The following WDR62 variants were observed in gnomAD, a reference collection of about 807,000 sequenced individuals.
WDR62 encodes the protein WD repeat domain 62.
WDR62 carries 112 observed loss-of-function variants against 160.6 expected under a neutral mutation model. That is an observed-to-expected ratio of 0.70 (90% CI 0.60 to 0.82). The LOEUF is 0.82. Among genes scored for constraint, WDR62 ranks in the 40% least tolerant of loss-of-function variants. The probability of loss-of-function intolerance (pLI) is 0.00; values close to 1 mark genes in which losing one functional copy is unlikely to be tolerated. For synonymous variants in WDR62, 792 were observed against 815.1 expected, an observed-to-expected ratio of 0.97 and a Z score of 0.48; for missense variants, 1,819 against 1,983.8, an observed-to-expected ratio of 0.92 and a Z score of 1.58.
Position 36,081,550 on chromosome 19 carries a change from C to T in WDR62, c.1351C>T (p.Gln451Ter). The T allele has an allele frequency of 6.2e-7, 1 of 1,614,152 alleles. No homozygotes were observed. Among genetic ancestry groups the T allele is most frequent in the Non-Finnish European group, 8.5e-7 (1 of 1,180,036 alleles). The stretch of plus-strand genomic sequence containing the variant: ...GGACAGCAGCCCTGATTCTCACTGG[C>T]AGAAAAACATCTTCAGCAATGTGAG... ...NLDSSPDSHW[Q>*]KNIFSNTLLK... Residue 451 changes from glutamine (Q) to a stop codon, truncating the protein, a stop_gained, in exon 10 of 32, where the codon CAG (glutamine) becomes TAG (stop). Transcript: ENST00000401500. LOFTEE classifies it high-confidence loss of function.
At position 36,101,670 on chromosome 19, in the gene WDR62, G is replaced by A; in HGVS notation, c.2978G>A (p.Gly993Glu). The A allele has an allele frequency of 6.4e-7, 1 of 1,550,558 alleles. No individual in the cohort carries two copies. The highest frequency in any genetic ancestry group is 8.7e-7 in the Non-Finnish European group (1 of 1,146,582). The change falls in exon 25 of 32, where the codon GGG becomes GAG. Residue 993 changes from glycine (G) to glutamate (E), a missense_variant. Gly to Glu is a moderately conservative substitution (Grantham distance 98). This residue lies in a region of WDR62 where 770 missense variants were observed against 734.2 expected (regional missense o/e 1.05). Transcript: ENST00000401500. ...CCCCGACTCTGTCCTTCAGACTCGGGGGAGTCAGAGGCCGACCTGGAGTGC... is the reference window on the plus strand; with the variant it reads ...CCCCGACTCTGTCCTTCAGACTCGGAGGAGTCAGAGGCCGACCTGGAGTGC... ...PKDQSPPEDS[G>E]ESEADLECSF...
At chr19:36,074,647 T>G (rs1214336220) in intron 9 of WDR62, among the ~76,000 whole-genome samples, 1 of 152,204 alleles carries the variant, frequency 6.6e-6, no homozygotes, top group African/African-American at 2.4e-5. Context: ...AGAAAGAACT[T>G]TGTCCTTTTG....
intron 13 of WDR62, among the ~76,000 whole-genome samples, chr19:36,088,583 G>C (rs1038322448): frequency 6.6e-6 from 1 of 152,212 alleles, no homozygotes. Flanking sequence ...GTTCATGCTT[G>C]TCCAGTGGGA....
intron 12 of WDR62, 98 bp from the exon 13 acceptor site, chr19:36,086,589 C>T: frequency 6.8e-7 from 1 of 1,466,044 alleles, no homozygotes; most frequent in South Asian, 1.2e-5. Flanking sequence ...CCAAAGACCC[C>T]TTCTCCGAGG....
intron 20 of WDR62, among the ~76,000 whole-genome samples, chr19:36,096,327 C>A (rs1414725892): frequency 6.6e-6 from 1 of 152,178 alleles, no homozygotes; most frequent in East Asian, 1.9e-4. Flanking sequence ...TGGTCTCAAA[C>A]CCCTGGCCTG....
At chr19:36,084,986 G>C (rs903398259) in intron 12 of WDR62, among the ~76,000 whole-genome samples, 2 of 152,192 alleles carry the variant, frequency 1.3e-5, no homozygotes, top group Non-Finnish European at 2.9e-5. Flanking sequence ...CAAGCCAAAG[G>C]GGTGGATGTA....
rs200336437 is a variant in WDR62 at position 36,102,916 on chromosome 19, G to A, written c.3336-32G>A. On this transcript the variant is annotated intron_variant, in intron 27 of 31. Transcript: ENST00000401500. ...AACAGTGCCCCAGGGCAGGCTGAAT[G>A]AGAATCATCCCCCCTGCTCTCCTCC... 1.5e-4 allele frequency: 238 copies of A among 1,614,128 alleles called. 4 individuals carry two copies. The South Asian group carries it at 2.2e-3, about 15-fold the overall frequency.
At chr19:36,101,921 G>T in intron 25 of WDR62, 93 bp from the exon 26 acceptor site, 2 of 1,592,928 alleles carry the variant, frequency 1.3e-6, no homozygotes, top group Non-Finnish European at 1.7e-6. Context: ...CAACAGGGCA[G>T]GGATGGGTGG....
At chr19:36,063,783 C>T (rs1361069844) in intron 3 of WDR62, among the ~76,000 whole-genome samples, 1 of 152,232 alleles carries the variant, frequency 6.6e-6, no homozygotes, top group Non-Finnish European at 1.5e-5. Context: ...ACTTCAAAGC[C>T]TCTCTTTTCA....
intron 13 of WDR62, 125 bp downstream of exon 13, chr19:36,086,937 C>A: frequency 7.3e-7 from 1 of 1,377,080 alleles, no homozygotes; most frequent in Non-Finnish European, 9.9e-7. Context: ...GTACAGTATA[C>A]AGAATAATGA....
At chr19:36,095,233 G>T (rs1382900005) in intron 20 of WDR62, among the ~76,000 whole-genome samples, 1 of 152,126 alleles carries the variant, frequency 6.6e-6, no homozygotes, top group Non-Finnish European at 1.5e-5. Context: ...CTTCATGTTG[G>T]CTTTGCTGAT....
rs764043961 is a variant in WDR62 at position 36,067,377 on chromosome 19, C to T, written c.633C>T (p.Ser211=). The T allele has an allele frequency of 6.2e-7, 1 of 1,614,254 alleles. No individual in the cohort carries two copies. Among genetic ancestry groups the T allele is most frequent in the Non-Finnish European group, 8.5e-7 (1 of 1,180,044 alleles). Residue 211 remains serine (S), a synonymous_variant, in exon 6 of 32, where the codon AGC becomes AGT. Coordinates refer to ENST00000401500, the MANE Select transcript of WDR62 (RefSeq NM_001083961.2). ...VIALSFSEDS[S]YFVTVGNRHV... Reference sequence around the variant, plus strand: ...CCCTCTCCTTCTCAGAGGACAGCAGCTATTTTGTCACTGTTGGGAACCGCC... The same window carrying T: ...CCCTCTCCTTCTCAGAGGACAGCAGTTATTTTGTCACTGTTGGGAACCGCC...
In WDR62 at chr19:36,072,106, C is replaced by CT. The variant is rs544846621; in HGVS notation, c.1043+391dup. 2.4e-4 allele frequency among the ~76,000 whole-genome samples: 36 copies of CT among 152,334 alleles called. No individual in the cohort carries two copies. In the South Asian group the frequency reaches 6.2e-3, roughly 26 times the overall value. On this transcript the variant is annotated intron_variant, in intron 8 of 31. Coordinates refer to ENST00000401500, the MANE Select transcript of WDR62 (RefSeq NM_001083961.2). ...GCCTATTATAATGAAGCAGCAAAAT[C>CT]TCTGCCTCTCTGCAGTATAGCAAGG...
intron 7 of WDR62, chr19:36,071,121 T>A: frequency 5.0e-6 from 1 of 201,020 alleles, no homozygotes; most frequent in South Asian, 7.8e-5. Flanking sequence ...GGAGAATCAC[T>A]TGAACCCAGG....
intron 13 of WDR62, among the ~76,000 whole-genome samples, 172 bp from the exon 14 acceptor site, chr19:36,088,862 CACGT>C (rs1972414045): frequency 6.6e-6 from 1 of 152,352 alleles, no homozygotes; most frequent in East Asian, 1.9e-4. Context: ...TGCCCCCTCA[CACGT>C]ACAGCTCATA....
At chr19:36,060,972 A>G (rs917357639) in intron 3 of WDR62, 25 of 152,294 alleles carry the variant, frequency 1.6e-4, no homozygotes, top group Non-Finnish European at 3.2e-4. Context: ...CTTGGGGCTA[A>G]CTGATCACTG....
downstream of WDR62, among the ~76,000 whole-genome samples, chr19:36,108,990 A>C (rs2145897012): frequency 6.6e-6 from 1 of 152,182 alleles, no homozygotes; most frequent in Non-Finnish European, 1.5e-5. Flanking sequence ...GAGATTCCTT[A>C]GTCTCATTTT....
rs949017714 is a variant in WDR62 at position 36,102,839 on chromosome 19, A to G, written c.3323A>G (p.Gln1108Arg). 1.2e-6 allele frequency: 2 copies of G among 1,614,116 alleles called. No individual in the cohort carries two copies. Among genetic ancestry groups the G allele is most frequent in the African/African-American group, 2.7e-5 (2 of 74,946 alleles). ...TCCACGCAGTTCCTCTCAAGCCTCC[A>G]GAAGGCATCCAGGTAGAAGCTGGCC... The part of the protein sequence containing the change: ...SISTQFLSSL[Q>R]KASRFTHTFP... Residue 1108 changes from glutamine to arginine, a missense_variant, in exon 27 of 32, where the codon CAG becomes CGG. By Grantham distance (43) the Gln-to-Arg change is conservative. Around this residue, in one of 3 missense-constraint regions of WDR62, gnomAD observed 770 missense variants for 734.2 expected, o/e 1.05. Transcript: ENST00000401500.
In WDR62 at chr19:36,071,704, G is replaced by A. The variant is rs141927841; in HGVS notation, c.1031G>A (p.Gly344Asp). 77 of 1,613,652 alleles carry A rather than the reference G, an allele frequency of 4.8e-5. No individual in the cohort carries two copies. The highest frequency in any genetic ancestry group is 6.2e-5 in the Non-Finnish European group (73 of 1,179,820). ...PHYLGVDVAQ[G>D]LEPSFLFHRK... ...TACCTTGGGGTAGACGTGGCACAGG[G>A]CCTGGAGCCCAGGTACTGCCCTGTG... The change falls in exon 8 of 32, where the codon GGC becomes GAC. Residue 344 changes from glycine (G) to aspartate (D), a missense_variant. Gly to Asp is a moderately conservative substitution (Grantham distance 94). Transcript: ENST00000401500.
Sources: gnomAD v4.1 joint callset for allele counts (sites outside exome capture counted in the v4.1 genomes callset) on GRCh38, gnomAD v4.1.1 for gene constraint, gnomAD v4.1.1 regional missense constraint, MANE v1.5 for transcripts, NCBI Gene and HGNC (gene_info 2026-07-23, HGNC 2026-07-21) for gene names.